The following MAP7D2 variants were observed in gnomAD, a reference collection of about 807,000 sequenced individuals.
MAP7D2 encodes the protein MAP7 domain-containing protein 2.
Under a neutral mutation model 63.5 loss-of-function variants are expected in MAP7D2, and 33 were observed. The observed-to-expected ratio is 0.52, with a 90% CI of 0.39 to 0.70. The LOEUF (loss-of-function observed/expected upper bound fraction) is 0.70, where lower values mean the gene tolerates loss of function less well. MAP7D2 is among the 30% of genes least tolerant of loss of function. The pLI, the probability that MAP7D2 is intolerant of heterozygous loss-of-function variation, is 0.00. For missense variants in MAP7D2, 626 were observed against 604.0 expected, an observed-to-expected ratio of 1.04 and a Z score of -0.38; for synonymous variants, 224 against 223.7, an observed-to-expected ratio of 1.00 and a Z score of -0.01.
chrX:20,008,648 T>G (rs780383960), intron 16 of MAP7D2, among the ~76,000 whole-genome samples: 93 of 112,081 alleles, frequency 8.3e-4, no homozygotes, highest in African/African-American at 2.6e-3. Context: ...CCTGCAGATA[T>G]TTAATGTCTC....
chrX:20,071,430 A>C (rs2065498857), intron 1 of MAP7D2, among the ~76,000 whole-genome samples: 1 of 112,340 alleles, frequency 8.9e-6, no homozygotes, highest in Non-Finnish European at 1.9e-5. Context: ...TGCTCACCAC[A>C]CTTGAGCATG....
At chrX:20,062,147 A>G (rs73445268) in intron 3 of MAP7D2, among the ~76,000 whole-genome samples, 21,294 of 111,484 alleles carry the variant, frequency 0.19, 1,561 homozygotes, top group African/African-American at 0.23. Context: ...CTGAACGATT[A>G]CTCTGTGCTA....
Position 20,010,794 on chromosome X carries a change from C to G in MAP7D2, c.*9G>C. The G allele has an allele frequency of 8.3e-7, 1 of 1,201,839 alleles. No homozygotes were observed. Among genetic ancestry groups the G allele is most frequent in the Non-Finnish European group, 1.1e-6 (1 of 890,003 alleles). ...GACTGTACCTTTTATTAAAGGGATGCTGTATTTGTCAACAGAAGGTGTTGA... is the reference window on the plus strand; with the variant it reads ...GACTGTACCTTTTATTAAAGGGATGGTGTATTTGTCAACAGAAGGTGTTGA... On this transcript the variant is annotated 3_prime_UTR_variant, in exon 16 of 17. Coordinates refer to ENST00000379643, the MANE Select transcript of MAP7D2 (RefSeq NM_001168465.2).
rs1241768111 is a variant in MAP7D2, at chrX:20,116,890, C to A, written c.-11G>T. On this transcript the variant is annotated 5_prime_UTR_variant, in exon 1 of 17. Transcript: ENST00000379643. ...GCCGCCGCGCTCCATCGGGATGCGCCGGCCGCACAGGCGCACTGCCAAGCC... is the reference window on the plus strand; with the variant it reads ...GCCGCCGCGCTCCATCGGGATGCGCAGGCCGCACAGGCGCACTGCCAAGCC... 2 of 1,102,056 alleles carry A rather than the reference C, an allele frequency of 1.8e-6. No homozygotes were observed. Among genetic ancestry groups the A allele is most frequent in the Non-Finnish European group, 2.4e-6 (2 of 842,653 alleles). 90.8% of individuals were successfully genotyped at this position (1,102,056 alleles called of 1,213,427 possible).
chrX:20,098,862 G>A (rs1469034046), intron 1 of MAP7D2, among the ~76,000 whole-genome samples: 5 of 112,548 alleles, frequency 4.4e-5, no homozygotes, highest in African/African-American at 1.3e-4. Flanking sequence ...GCAGAGATAA[G>A]TGGATGTCTA....
intron 1 of MAP7D2, among the ~76,000 whole-genome samples, chrX:20,091,063 T>C (rs1326874929): frequency 9.2e-6 from 1 of 108,462 alleles, no homozygotes; most frequent in East Asian, 2.9e-4. Context: ...TTTTTTTTTT[T>C]TTTTTGGAAA....
At chrX:20,067,806 G>T (rs1381203895) in intron 1 of MAP7D2, among the ~76,000 whole-genome samples, 2 of 112,106 alleles carry the variant, frequency 1.8e-5, no homozygotes, top group African/African-American at 6.5e-5. Context: ...CTGGCCCCAA[G>T]AATGAGCTTG....
intron 1 of MAP7D2, among the ~76,000 whole-genome samples, chrX:20,073,240 G>A (rs2065552212): frequency 8.9e-6 from 1 of 111,803 alleles, no homozygotes. Context: ...GTACATGTGA[G>A]TATGTAAAAA....
At chrX:20,080,422 T>C (rs1036537795) in intron 1 of MAP7D2, among the ~76,000 whole-genome samples, 9 of 110,111 alleles carry the variant, frequency 8.2e-5, no homozygotes, top group Admixed American at 6.9e-4. Context: ...AACAAGCAAA[T>C]GGGGCTAGAA....
At chrX:20,073,056 A>C (rs777749237) in intron 1 of MAP7D2, among the ~76,000 whole-genome samples, 2 of 110,887 alleles carry the variant, frequency 1.8e-5, no homozygotes, top group South Asian at 3.9e-4. Context: ...CCCCCACCCC[A>C]AAAAAAGCAA....
intron 10 of MAP7D2, among the ~76,000 whole-genome samples, chrX:20,020,283 T>C (rs916176198): frequency 1.8e-5 from 2 of 111,201 alleles, no homozygotes; most frequent in African/African-American, 6.5e-5. Flanking sequence ...TCTGCATGCA[T>C]GTTTTCCATG....
intron 1 of MAP7D2, among the ~76,000 whole-genome samples, chrX:20,096,847 C>T (rs1242258727): frequency 1.8e-5 from 2 of 112,430 alleles, no homozygotes; most frequent in Non-Finnish European, 3.8e-5. Context: ...TTGCTATCTA[C>T]TTCAGGGTAA....
chrX:20,099,976 G>A (rs955374703), intron 1 of MAP7D2, among the ~76,000 whole-genome samples: 5 of 111,464 alleles, frequency 4.5e-5, no homozygotes, highest in Non-Finnish European at 9.4e-5. Context: ...ATTTTTATTT[G>A]AGGGAAATCC....
intron 1 of MAP7D2, among the ~76,000 whole-genome samples, chrX:20,110,855 T>A (rs1054085107): frequency 9.0e-6 from 1 of 110,618 alleles, no homozygotes; most frequent in African/African-American, 3.3e-5. Context: ...AAAGGGCCAC[T>A]AACAATTTCT....
chrX:20,055,712 G>T, intron 4 of MAP7D2: 1 of 886,512 alleles, frequency 1.1e-6, no homozygotes, highest in Non-Finnish European at 1.5e-6. Flanking sequence ...AAATGCTATG[G>T]CACAGTGATG....
chrX:20,086,472 C>T (rs1369340213), intron 1 of MAP7D2, among the ~76,000 whole-genome samples: 1 of 112,096 alleles, frequency 8.9e-6, no homozygotes, highest in East Asian at 2.8e-4. Context: ...ATATAGGCAA[C>T]TGAATGGAGG....
intron 1 of MAP7D2, among the ~76,000 whole-genome samples, chrX:20,094,554 A>ATATATATATATATATGTATGTG (rs2066195242): frequency 8.6e-5 from 1 of 11,596 alleles, no homozygotes; most frequent in Non-Finnish European, 1.4e-4. Flanking sequence ...ATATATATAT[A>ATATATATATATATATGTATGTG]TATATATATA....
chrX:20,099,424 T>A (rs749298949), intron 1 of MAP7D2, among the ~76,000 whole-genome samples: 1 of 111,769 alleles, frequency 8.9e-6, no homozygotes, highest in South Asian at 3.8e-4. Context: ...CAGAAAGTGC[T>A]TATTTGCATC....
At chrX:20,115,257 AAC>A (rs1273944437) in intron 1 of MAP7D2, among the ~76,000 whole-genome samples, 23 of 107,617 alleles carry the variant, frequency 2.1e-4, no homozygotes, top group Middle Eastern at 4.8e-3. Context: ...AAAAAAAAAA[AAC>A]CCCTTAAGTT....
Sources: allele counts gnomAD v4.1 joint callset (sites outside exome capture counted in the v4.1 genomes callset), GRCh38; gene constraint gnomAD v4.1.1; transcripts MANE v1.5; gene names NCBI Gene and HGNC (gene_info 2026-07-23, HGNC 2026-07-21).